The following TTLL1 variants were observed in gnomAD, a reference collection of about 807,000 sequenced individuals.
TTLL1 encodes the protein polyglutamylase complex subunit TTLL1.
Under a neutral mutation model 47.8 loss-of-function variants are expected in TTLL1, and 33 were observed. That is an observed-to-expected ratio of 0.69 (90% confidence interval 0.52 to 0.92). TTLL1 has a LOEUF of 0.92. TTLL1 is among the 40% of genes least tolerant of loss of function. The pLI is 0.00. For synonymous variants in TTLL1, 225 were observed against 214.1 expected (o/e 1.05, Z -0.45); for missense variants, 488 against 547.5 (o/e 0.89, Z 1.08).
At chr22:43,074,637 T>C (rs1264541106) in intron 3 of TTLL1, among the ~76,000 whole-genome samples, 1 of 151,790 alleles carries the variant, frequency 6.6e-6, no homozygotes, top group African/African-American at 2.4e-5. Flanking sequence ...GTCCAGGAGT[T>C]TGAGACCAGC....
At chr22:43,042,375 G>A (rs1474321052) in intron 10 of TTLL1, among the ~76,000 whole-genome samples, 1 of 152,240 alleles carries the variant, frequency 6.6e-6, no homozygotes, top group South Asian at 2.1e-4. Flanking sequence ...CAACGCAGAG[G>A]AGAATCAGAG....
At chr22:43,068,631 C>A in intron 4 of TTLL1, 41 bp from the exon 5 acceptor site, 1 of 1,384,026 alleles carries the variant, frequency 7.2e-7, no homozygotes, top group Non-Finnish European at 9.5e-7. Context: ...GCAGCCAGCC[C>A]AACAGTGGCC....
intron 8 of TTLL1, among the ~76,000 whole-genome samples, chr22:43,056,359 A>T (rs1024747970): frequency 6.7e-6 from 1 of 150,302 alleles, no homozygotes; most frequent in African/African-American, 2.4e-5. Context: ...CTCTGTCTCA[A>T]AAAAAAAAAA....
chr22:43,079,223 A>G (rs1300452829), intron 2 of TTLL1, among the ~76,000 whole-genome samples: 3 of 101,052 alleles, frequency 3.0e-5, no homozygotes, highest in African/African-American at 9.4e-5. Context: ...GCGTGAGCCC[A>G]TCCCACACCC....
chr22:43,048,798 G>A (rs376835770), intron 9 of TTLL1, among the ~76,000 whole-genome samples: 10 of 151,786 alleles, frequency 6.6e-5, no homozygotes, highest in African/African-American at 2.2e-4. Context: ...TTAGCCAGGC[G>A]TGGTGGCAGT....
chr22:43,076,218 G>A (rs1411091543), intron 2 of TTLL1, among the ~76,000 whole-genome samples: 4 of 152,178 alleles, frequency 2.6e-5, no homozygotes, highest in African/African-American at 9.6e-5. Flanking sequence ...CACTTTGGGA[G>A]GCCGAGGCAG....
At chr22:43,063,380 A>C (rs1927511386) in intron 7 of TTLL1, among the ~76,000 whole-genome samples, 1 of 152,034 alleles carries the variant, frequency 6.6e-6, no homozygotes, top group Non-Finnish European at 1.5e-5. Context: ...GCCGGACCTT[A>C]GACCAGGATA....
chr22:43,069,960 T>A (rs1270545534), intron 3 of TTLL1, 116 bp from the exon 4 acceptor site: 5 of 1,444,744 alleles, frequency 3.5e-6, no homozygotes, highest in Non-Finnish European at 4.6e-6. Flanking sequence ...TACTCCCACA[T>A]CCCCTGGCAC....
Position 43,087,480 on chromosome 22 carries a change from C to T in TTLL1, c.-90+1797G>A, listed in dbSNP as rs144767237. 9.8e-4 allele frequency among the ~76,000 whole-genome samples: 148 copies of T among 150,356 alleles called. 3 individuals are homozygous for T. The East Asian group carries it at 0.023, about 23-fold the overall frequency. On this transcript the variant is annotated intron_variant, in intron 1 of 10. Coordinates refer to ENST00000266254, the MANE Select transcript of TTLL1 (RefSeq NM_012263.5). ...TGGAGGTTGCAGTGAGCTGGCATCA[C>T]GCCACTGCACTCCAGCCCGGGCAAC...
At chr22:43,044,757 G>C (rs1205802421) in intron 10 of TTLL1, among the ~76,000 whole-genome samples, 1 of 127,452 alleles carries the variant, frequency 7.8e-6, no homozygotes, top group African/African-American at 2.7e-5. Context: ...TGTACACACA[G>C]GGGATTCTGA....
intron 3 of TTLL1, among the ~76,000 whole-genome samples, chr22:43,071,343 A>G (rs1895078435): frequency 6.6e-6 from 1 of 152,200 alleles, no homozygotes; most frequent in South Asian, 2.1e-4. Context: ...GTTTTTCAAA[A>G]TAAAGAGCTG....
chr22:43,050,029 G>A (rs1023517331), intron 9 of TTLL1, among the ~76,000 whole-genome samples: 46 of 151,964 alleles, frequency 3.0e-4, no homozygotes, highest in Admixed American at 2.4e-3. Flanking sequence ...CCCGGGAGGC[G>A]GGGGTTGCAG....
intron 1 of TTLL1, among the ~76,000 whole-genome samples, chr22:43,080,887 C>G (rs1041716962): frequency 7.6e-6 from 1 of 131,080 alleles, no homozygotes; most frequent in African/African-American, 2.7e-5. Context: ...GTCACCTGTT[C>G]CCAGTGTTGC....
intron 2 of TTLL1, among the ~76,000 whole-genome samples, chr22:43,076,964 G>A (rs58976284): frequency 6.7e-4 from 102 of 151,632 alleles, no homozygotes; most frequent in African/African-American, 2.3e-3. Flanking sequence ...AGCCGGGTGC[G>A]GTGGCAGGCG....
chr22:43,063,869 T>C lies in TTLL1; in HGVS notation c.691A>G (p.Ser231Gly). The stretch of plus-strand genomic sequence containing the variant: ...TGAACGAACATGTTGTCCAGCTCAC[T>C]GGTACTCGGGGTGTATTTCACTGTG... ...FCTVKYTPST[S>G]ELDNMFVHLT... The change falls in exon 7 of 11, where the codon AGT (serine) becomes GGT (glycine). Residue 231 changes from serine to glycine, a missense_variant. Ser to Gly is a moderately conservative substitution (Grantham distance 56). Transcript: ENST00000266254. 6.2e-7 allele frequency: 1 copy of C among 1,614,128 alleles called. No individual in the cohort carries two copies. The highest frequency in any genetic ancestry group is 8.5e-7 in the Non-Finnish European group (1 of 1,180,006).
chr22:43,060,471 GT>G (rs1315796928), intron 7 of TTLL1, among the ~76,000 whole-genome samples: 1 of 148,310 alleles, frequency 6.7e-6, no homozygotes, highest in African/African-American at 2.5e-5. Context: ...CTACCTCAGA[GT>G]CTTTCCTGGG....
intron 9 of TTLL1, among the ~76,000 whole-genome samples, chr22:43,050,155 C>T (rs1303357814): frequency 6.6e-6 from 1 of 151,930 alleles, no homozygotes; most frequent in Non-Finnish European, 1.5e-5. Context: ...CAGTGGCTCA[C>T]ACCTGTAATC....
At chr22:43,059,362 C>T in intron 8 of TTLL1, 22 bp downstream of exon 8, 1 of 1,597,078 alleles carries the variant, frequency 6.3e-7, no homozygotes, top group Non-Finnish European at 8.5e-7. Flanking sequence ...GGAGCCGGCT[C>T]CCCCGCCCGC....
At chr22:43,071,932 C>T (rs1928150346) in intron 3 of TTLL1, among the ~76,000 whole-genome samples, 1 of 152,192 alleles carries the variant, frequency 6.6e-6, no homozygotes. Flanking sequence ...CTACCTGTGG[C>T]CGCTGTGGCA....
Sources: gnomAD v4.1 joint callset for allele counts (sites outside exome capture counted in the v4.1 genomes callset) on GRCh38, gnomAD v4.1.1 for gene constraint, MANE v1.5 for transcripts, NCBI Gene and HGNC (gene_info 2026-07-23, HGNC 2026-07-21) for gene names.